CDH13: variants seen among roughly 807,000 people sequenced by gnomAD.
CDH13 encodes the protein cadherin-13.
In CDH13, 24 loss-of-function variants were observed where a neutral mutation model predicts 63.8. The observed-to-expected ratio is 0.38, with a 90% CI of 0.27 to 0.53. The LOEUF (loss-of-function observed/expected upper bound fraction) is 0.53. Ranked by LOEUF, CDH13 falls within the 20% of genes least tolerant of loss-of-function variation. The pLI, the probability that CDH13 is intolerant of heterozygous loss-of-function variation, is 0.85. For synonymous variants in CDH13, 503 were observed against 355.3 expected (o/e 1.42, Z -4.67); for missense variants, 1,049 against 903.1 (o/e 1.16, Z -2.07).
rs149104685 is a variant in CDH13 at position 82,706,936 on chromosome 16, T to G, written c.45+79799T>G. ...ACGAATATTCTAGTTTAGCCCTCTC[T>G]TCTAGAGTTATAAAATTATTCTGCC... On this transcript the variant is annotated intron_variant, in intron 1 of 13. Coordinates refer to ENST00000567109, the MANE Select transcript of CDH13 (RefSeq NM_001257.5). Among the ~76,000 whole-genome samples, 933 of 152,348 alleles carry G rather than the reference T, an allele frequency of 6.1e-3. 7 individuals are homozygous for G. Among genetic ancestry groups the G allele is most frequent in the African/African-American group, 0.022 (899 of 41,588 alleles).
At chr16:82,909,252 ATGTGTGTGTGTGTGTGTG>A (rs10527714) in intron 2 of CDH13, among the ~76,000 whole-genome samples, 17 of 146,944 alleles carry the variant, frequency 1.2e-4, no homozygotes, top group Non-Finnish European at 1.8e-4. Context: ...CTGACTGTAT[ATGTGTGTGTGTGTGTGTG>A]TGTGTGTGTG....
chr16:82,742,090 C>T (rs1017598776), intron 1 of CDH13, among the ~76,000 whole-genome samples: 5 of 152,054 alleles, frequency 3.3e-5, no homozygotes, highest in African/African-American at 9.7e-5. Flanking sequence ...TGGGCCAAAA[C>T]GTCTGCCATT....
chr16:82,991,314 G>C (rs908647554), intron 2 of CDH13, among the ~76,000 whole-genome samples: 2 of 151,992 alleles, frequency 1.3e-5, no homozygotes, highest in African/African-American at 2.4e-5. Flanking sequence ...GCAAATTTAA[G>C]GTAAAAATCA....
Position 83,291,304 on chromosome 16 carries a change from T to C in CDH13, c.637-53558T>C, listed in dbSNP as rs574603078. Among the ~76,000 whole-genome samples the C allele has an allele frequency of 1.4e-3, 215 of 152,308 alleles. 1 individual carries two copies. The highest frequency in any genetic ancestry group is 5.0e-3 in the African/African-American group (207 of 41,582). ...CGTAGTAAATATATTCAGGGGGTTC[T>C]ACTTCTTCATCTTCCAGGGAGAATT... On this transcript the variant is annotated intron_variant, in intron 5 of 13. Transcript: ENST00000567109.
At chr16:83,687,320 C>T (rs763684091) in intron 10 of CDH13, among the ~76,000 whole-genome samples, 1 of 152,208 alleles carries the variant, frequency 6.6e-6, no homozygotes, top group Non-Finnish European at 1.5e-5. Context: ...TGTCTCATGG[C>T]TCTGCAGGCT....
intron 10 of CDH13, among the ~76,000 whole-genome samples, chr16:83,728,613 A>G (rs1166225772): frequency 6.6e-6 from 1 of 152,186 alleles, no homozygotes; most frequent in Non-Finnish European, 1.5e-5. Flanking sequence ...GCAAAGATAA[A>G]TAAGCGTGTC....
chr16:83,775,127 T>C (rs1328127362), intron 11 of CDH13, among the ~76,000 whole-genome samples: 3 of 151,764 alleles, frequency 2.0e-5, no homozygotes, highest in Non-Finnish European at 4.4e-5. Flanking sequence ...ATGCTTGCTC[T>C]AGAGAAGGAG....
intron 3 of CDH13, among the ~76,000 whole-genome samples, chr16:83,059,213 G>A (rs191415795): frequency 6.6e-6 from 1 of 152,258 alleles, no homozygotes; most frequent in African/African-American, 2.4e-5. Flanking sequence ...CCTATGAAAT[G>A]CTTTTCAGAA....
intron 4 of CDH13, among the ~76,000 whole-genome samples, chr16:83,195,548 G>C (rs911479964): frequency 1.3e-5 from 2 of 152,078 alleles, no homozygotes; most frequent in Admixed American, 1.3e-4. Context: ...GATCTCCTGA[G>C]AACTCTATCA....
At chr16:83,477,655 C>A (rs187332054) in intron 6 of CDH13, among the ~76,000 whole-genome samples, 49 of 152,166 alleles carry the variant, frequency 3.2e-4, no homozygotes, top group Admixed American at 5.9e-4. Context: ...AAAATGTTTC[C>A]CATGGATGTA....
chr16:83,294,322 T>C (rs556393373), intron 5 of CDH13, among the ~76,000 whole-genome samples: 2 of 152,282 alleles, frequency 1.3e-5, no homozygotes, highest in Admixed American at 1.3e-4. Context: ...GGACAATAGT[T>C]CTCTTGAGCT....
At chr16:83,225,859 G>T (rs1443452052) in intron 5 of CDH13, among the ~76,000 whole-genome samples, 2 of 152,126 alleles carry the variant, frequency 1.3e-5, no homozygotes, top group African/African-American at 4.8e-5. Context: ...TTCATAATTA[G>T]GAATTAATAT....
chr16:82,674,085 C>A (rs780682608), intron 1 of CDH13, among the ~76,000 whole-genome samples: 2 of 152,160 alleles, frequency 1.3e-5, no homozygotes, highest in South Asian at 2.1e-4. Flanking sequence ...CATTTAAGAA[C>A]GTACATTTGA....
At chr16:83,775,583 T>G (rs1915052969) in intron 11 of CDH13, among the ~76,000 whole-genome samples, 1 of 152,118 alleles carries the variant, frequency 6.6e-6, no homozygotes, top group Non-Finnish European at 1.5e-5. Flanking sequence ...TCTAGCTCCA[T>G]TTCTGGGTGT....
Position 83,670,829 on chromosome 16 carries a change from G to C in CDH13, c.1141G>C (p.Val381Leu). ...TVEEGAVGVI[V>L]NLTVEDKDDP... ...CGAGGAAGGAGCTGTGGGAGTTATT[G>C]TCAATTTGACAGTTGAAGATAAGGA... Residue 381 changes from valine to leucine, a missense_variant, in exon 9 of 14, where the codon GTC becomes CTC. Val to Leu is a conservative substitution (Grantham distance 32). Transcript: ENST00000567109. 1 of 1,613,966 alleles carries C rather than the reference G, an allele frequency of 6.2e-7. No homozygotes were observed.
At chr16:83,792,489 T>C (rs929233203) in intron 13 of CDH13, among the ~76,000 whole-genome samples, 1 of 152,232 alleles carries the variant, frequency 6.6e-6, no homozygotes, top group African/African-American at 2.4e-5. Context: ...TTCTTGCTTT[T>C]AACTAATTTG....
intron 5 of CDH13, among the ~76,000 whole-genome samples, chr16:83,269,759 C>T (rs908112613): frequency 6.6e-6 from 1 of 152,178 alleles, no homozygotes; most frequent in African/African-American, 2.4e-5. Flanking sequence ...TAGCCTTGCT[C>T]CTCACCAGGT....
chr16:83,301,092 C>G (rs2089730213), intron 5 of CDH13, among the ~76,000 whole-genome samples: 1 of 118,820 alleles, frequency 8.4e-6, no homozygotes, highest in South Asian at 3.0e-4. Context: ...AGTGCAGTGG[C>G]ACGATCTCAG....
chr16:82,821,320 C>G (rs2037991782), intron 1 of CDH13, among the ~76,000 whole-genome samples: 1 of 152,154 alleles, frequency 6.6e-6, no homozygotes, highest in Admixed American at 6.5e-5. Context: ...AGGAAATTGT[C>G]TTTATAATAT....
Sources: gnomAD v4.1 joint callset for allele counts (sites outside exome capture counted in the v4.1 genomes callset) on GRCh38, gnomAD v4.1.1 for gene constraint, MANE v1.5 for transcripts, NCBI Gene and HGNC (gene_info 2026-07-23, HGNC 2026-07-21) for gene names.